Variants in SRPK1 observed in about 807,000 individuals in gnomAD.
The protein encoded by SRPK1 is SRSF protein kinase 1, also known as SFRS protein kinase 1.
SRPK1 carries 52 observed loss-of-function variants against 89.5 expected under a neutral mutation model. The ratio of observed to expected loss-of-function variants is 0.58; its 90% CI spans 0.46 to 0.73. The LOEUF (loss-of-function observed/expected upper bound fraction) is 0.73. Ranked by LOEUF, SRPK1 falls within the 30% of genes least tolerant of loss-of-function variation. The pLI, the probability that SRPK1 is intolerant of heterozygous loss-of-function variation, is 0.00. For synonymous variants in SRPK1, 255 were observed against 270.2 expected (o/e 0.94, Z 0.55); for missense variants, 603 against 780.6 (o/e 0.77, Z 2.71).
At position 35,901,629 on chromosome 6, in the gene SRPK1, T is replaced by C. The variant is rs540129680; in HGVS notation, c.75-10616A>G. On this transcript the variant is annotated intron_variant, in intron 2 of 15. Transcript: ENST00000373825. ...AAGTCTCTTGAAGGAAAGGACTGTG[T>C]CCCAGTCATCTCTGTATCCCTTCTA... 2.0e-5 allele frequency among the ~76,000 whole-genome samples: 3 copies of C among 152,326 alleles called. No individual in the cohort carries two copies. In the East Asian group the frequency reaches 5.8e-4, roughly 29 times the overall value.
intron 2 of SRPK1, chr6:35,905,030 C>T (rs1265429076): frequency 1.5e-5 from 6 of 410,572 alleles, no homozygotes; most frequent in Non-Finnish European, 2.9e-5. Flanking sequence ...TGGTGTAGTC[C>T]TAGCTACTCC....
chr6:35,840,705 A>G (rs567419877), intron 14 of SRPK1, among the ~76,000 whole-genome samples: 60 of 152,280 alleles, frequency 3.9e-4, no homozygotes, highest in Non-Finnish European at 7.1e-4. Context: ...AGTAGAGGAC[A>G]TGGTACTCAG....
intron 13 of SRPK1, 121 bp from the exon 14 acceptor site, chr6:35,842,725 TTA>T (rs1017612823): frequency 1.1e-3 from 477 of 416,426 alleles, no homozygotes; most frequent in South Asian, 1.4e-3. Flanking sequence ...TATAGATCAT[TTA>T]AAAAAAAAAA....
Position 35,920,458 on chromosome 6 carries a change from C to T in SRPK1, c.74+10G>A, listed in dbSNP as rs749189129. On this transcript the variant is annotated intron_variant, in intron 2 of 15. Coordinates refer to ENST00000373825, the MANE Select transcript of SRPK1 (RefSeq NM_003137.5). ...ATCCAAAGAATGGGATGTTGGGGTACAAGACTCACTTCCTTTGGGCTTTGT... is the reference window on the plus strand; with the variant it reads ...ATCCAAAGAATGGGATGTTGGGGTATAAGACTCACTTCCTTTGGGCTTTGT... 2.5e-5 allele frequency: 41 copies of T among 1,612,888 alleles called. 1 individual carries two copies. The Middle Eastern group carries it at 6.6e-4, about 26-fold the overall frequency.
At chr6:35,902,870 AGGGAGCTTGTCCT>A (rs1770773923) in intron 2 of SRPK1, among the ~76,000 whole-genome samples, 1 of 152,244 alleles carries the variant, frequency 6.6e-6, no homozygotes. Context: ...AACTAGCAGA[AGGGAGCTTGTCCT>A]CAAGCTCATA....
At chr6:35,887,892 C>T (rs372288319) in intron 5 of SRPK1, 132 bp downstream of exon 5, 4 of 564,948 alleles carry the variant, frequency 7.1e-6, no homozygotes, top group African/African-American at 5.8e-5. Context: ...TCTTCCTTTA[C>T]CTCTTTAAGG....
chr6:35,886,062 CTCTT>C (rs201378546), intron 6 of SRPK1, among the ~76,000 whole-genome samples: 2,396 of 150,630 alleles, frequency 0.016, 22 homozygotes, highest in Middle Eastern at 0.038. Context: ...CTCTCTTTTT[CTCTT>C]TCTTTTAGAC....
At chr6:35,905,371 C>T (rs1343271304) in intron 2 of SRPK1, among the ~76,000 whole-genome samples, 1 of 152,094 alleles carries the variant, frequency 6.6e-6, no homozygotes, top group Non-Finnish European at 1.5e-5. Context: ...TGTTGTCTTA[C>T]TCATAGTATG....
chr6:35,850,125 T>C (rs1292099354), intron 13 of SRPK1, among the ~76,000 whole-genome samples: 2 of 152,088 alleles, frequency 1.3e-5, no homozygotes, highest in Admixed American at 6.5e-5. Context: ...AATTTAGTTT[T>C]AACTATAACG....
At chr6:35,919,182 T>A (rs1303017718) in intron 2 of SRPK1, among the ~76,000 whole-genome samples, 1 of 152,208 alleles carries the variant, frequency 6.6e-6, no homozygotes, top group Non-Finnish European at 1.5e-5. Context: ...AATCCAAAGG[T>A]AAACAGACAC....
At chr6:35,896,122 C>T (rs1349013064) in intron 2 of SRPK1, among the ~76,000 whole-genome samples, 1 of 152,178 alleles carries the variant, frequency 6.6e-6, no homozygotes, top group Non-Finnish European at 1.5e-5. Flanking sequence ...AATTTATAGC[C>T]AGTTGATCAG....
At chr6:35,897,418 C>T (rs918307497) in intron 2 of SRPK1, among the ~76,000 whole-genome samples, 1 of 152,126 alleles carries the variant, frequency 6.6e-6, no homozygotes, top group African/African-American at 2.4e-5. Flanking sequence ...ATAAAATAAA[C>T]AAAAAGCAAT....
chr6:35,871,635 C>A (rs1015077499), intron 8 of SRPK1, among the ~76,000 whole-genome samples: 3 of 152,086 alleles, frequency 2.0e-5, no homozygotes, highest in African/African-American at 7.2e-5. Flanking sequence ...AAGTGTATAA[C>A]TAATAACTCA....
In SRPK1 at chr6:35,876,358, C is replaced by G. The variant is rs934739345; in HGVS notation, c.479-2019G>C. On this transcript the variant is annotated intron_variant, in intron 6 of 15. Coordinates refer to ENST00000373825, the MANE Select transcript of SRPK1 (RefSeq NM_003137.5). ...CTTAAATATAAAACCTATGACAGGT[C>G]GGGCATGGTGGCTCATGCCTGTAAT... Among the ~76,000 whole-genome samples, 4 of 152,194 alleles carry G rather than the reference C, an allele frequency of 2.6e-5. No homozygotes were observed. The South Asian group carries it at 6.2e-4, about 24-fold the overall frequency.
chr6:35,893,964 T>A (rs1002022352), intron 2 of SRPK1, among the ~76,000 whole-genome samples: 4 of 151,632 alleles, frequency 2.6e-5, no homozygotes, highest in Admixed American at 1.3e-4. Context: ...TGAGCCGAGA[T>A]CATGCCACTG....
intron 13 of SRPK1, among the ~76,000 whole-genome samples, chr6:35,853,314 A>C: frequency 6.6e-6 from 1 of 152,186 alleles, no homozygotes; most frequent in East Asian, 1.9e-4. Context: ...AAGAAGTTAA[A>C]AAAATATGGT....
intron 7 of SRPK1, among the ~76,000 whole-genome samples, chr6:35,873,388 T>TA (rs1392833706): frequency 1.3e-5 from 2 of 152,160 alleles, no homozygotes; most frequent in African/African-American, 4.8e-5. Context: ...CTAATTATTA[T>TA]AGGAGGCAAA....
rs767860669 is a variant in SRPK1 at position 35,838,842 on chromosome 6, A to G, written c.1691-413T>C. On this transcript the variant is annotated intron_variant, in intron 14 of 15. Coordinates refer to ENST00000373825, the MANE Select transcript of SRPK1 (RefSeq NM_003137.5). ...AAGAACAGATCAAGGACAAGCTGTA[A>G]AAGAGGTTTTTCTATGAATAGCTTT... The G allele has an allele frequency of 6.6e-6, 9 of 1,355,816 alleles. No homozygotes were observed. The Admixed American group carries it at 1.6e-4, about 24-fold the overall frequency. 84.0% of individuals were successfully genotyped at this position (1,355,816 alleles called of 1,614,324 possible).
intron 12 of SRPK1, among the ~76,000 whole-genome samples, chr6:35,864,158 C>T (rs895229664): frequency 4.6e-5 from 7 of 152,096 alleles, no homozygotes; most frequent in East Asian, 3.8e-4. Flanking sequence ...CAATACCTCA[C>T]GAGCACAGGC....
Sources: allele counts gnomAD v4.1 joint callset (sites outside exome capture counted in the v4.1 genomes callset), GRCh38; gene constraint gnomAD v4.1.1; transcripts MANE v1.5; gene names NCBI Gene and HGNC (gene_info 2026-07-23, HGNC 2026-07-21).